ENY2: variants seen among roughly 807,000 people sequenced by gnomAD.
The protein encoded by ENY2 is transcription and mRNA export factor ENY2.
A neutral mutation model predicts 15.9 loss-of-function variants in ENY2; 4 were observed. That is an observed-to-expected ratio of 0.25 (90% CI 0.12 to 0.57). ENY2 has a LOEUF of 0.57. Among genes scored for constraint, ENY2 ranks in the 20% least tolerant of loss-of-function variants. ENY2 has a pLI of 0.91. For synonymous variants in ENY2, 48 were observed against 38.0 expected (o/e 1.26, Z -0.97); for missense variants, 54 against 117.2 (o/e 0.46, Z 2.49).
chr8:109,340,730 A>G (rs1164216693), intron 4 of ENY2, 167 bp downstream of exon 4: 1 of 707,480 alleles, frequency 1.4e-6, no homozygotes, highest in Non-Finnish European at 2.3e-6. Context: ...TCTGGGAGTA[A>G]CAAATGAGAT....
At chr8:109,335,694 TC>T (rs1183589767) in intron 1 of ENY2, 1 of 152,788 alleles carries the variant, frequency 6.5e-6, no homozygotes, top group African/African-American at 2.4e-5. Context: ...TAGTATTTAA[TC>T]TTTTTTTGAT....
At position 109,334,403 on chromosome 8, in the gene ENY2, G is replaced by C; in HGVS notation, c.-66G>C. On this transcript the variant is annotated 5_prime_UTR_variant, in exon 1 of 5. Coordinates refer to ENST00000521688, the MANE Select transcript of ENY2 (RefSeq NM_020189.6). ...TAAGTCCGGGCAGCCGAAGAGTGTG[G>C]TAGGTAACGGTCCTCAGCGCAAGGG... 6.2e-7 allele frequency: 1 copy of C among 1,611,980 alleles called. No homozygotes were observed. Among genetic ancestry groups the C allele is most frequent in the Non-Finnish European group, 8.5e-7 (1 of 1,178,862 alleles).
intron 2 of ENY2, 34 bp downstream of exon 2, chr8:109,336,238 C>T (rs768738607): frequency 1.3e-6 from 2 of 1,538,880 alleles, no homozygotes; most frequent in South Asian, 1.1e-5. Context: ...AATTACATTT[C>T]ACCGCCTTTA....
At chr8:109,337,280 G>C (rs1816006113) in intron 2 of ENY2, among the ~76,000 whole-genome samples, 1 of 151,896 alleles carries the variant, frequency 6.6e-6, no homozygotes, top group East Asian at 1.9e-4. Flanking sequence ...CTCAAAATGA[G>C]GAAGGAGGCA....
At chr8:109,342,839 A>C (rs926457192) in intron 4 of ENY2, 2 of 558,112 alleles carry the variant, frequency 3.6e-6, no homozygotes, top group Admixed American at 3.1e-5. Flanking sequence ...ATTTTTGCCT[A>C]TGATTGGTAA....
In ENY2 at chr8:109,334,781, A is replaced by G. The variant is rs868196498; in HGVS notation, c.6+307A>G. ...CCTTTAAGAATTAAGTGACTTGTCC[A>G]AGGTCACTATCCGTATTTTAGGAGC... On this transcript the variant is annotated intron_variant, in intron 1 of 4. Transcript: ENST00000521688. 1.3e-5 allele frequency: 6 copies of G among 471,388 alleles called. No homozygotes were observed. The Admixed American group carries it at 1.6e-4, about 12-fold the overall frequency. The allele number at this position is 471,388 out of a possible 1,614,324, so 29.2% of individuals were successfully genotyped here.
rs904464946 is a variant in ENY2, at chr8:109,339,902, G to T, written c.154+512G>T. ...TCAGCTTTTGATATAATGGAACTCT[G>T]GATATTTTTAATGAATCCCCATTGT... On this transcript the variant is annotated intron_variant, in intron 3 of 4. Coordinates refer to ENST00000521688, the MANE Select transcript of ENY2 (RefSeq NM_020189.6). Among the ~76,000 whole-genome samples the T allele has an allele frequency of 4.6e-5, 7 of 151,988 alleles. No homozygotes were observed. The East Asian group carries it at 1.3e-3, about 29-fold the overall frequency.
intron 4 of ENY2, among the ~76,000 whole-genome samples, chr8:109,342,515 T>C (rs1586330593): frequency 3.9e-5 from 1 of 25,442 alleles, no homozygotes. Flanking sequence ...ATATATACCC[T>C]TTTTTTTTTT....
chr8:109,334,547 G>T, intron 1 of ENY2, 73 bp downstream of exon 1: 3 of 1,535,244 alleles, frequency 2.0e-6, no homozygotes, highest in Non-Finnish European at 1.8e-6. Context: ...ACTGTCTTTC[G>T]TTAGCGTCCC....
chr8:109,338,009 G>C (rs1816028298), intron 2 of ENY2, among the ~76,000 whole-genome samples: 1 of 152,196 alleles, frequency 6.6e-6, no homozygotes, highest in African/African-American at 2.4e-5. Flanking sequence ...GGGAGACTGA[G>C]TAAATTGGGT....
chr8:109,340,715 C>A, intron 4 of ENY2, 152 bp downstream of exon 4: 1 of 856,736 alleles, frequency 1.2e-6, no homozygotes, highest in Non-Finnish European at 1.8e-6. Flanking sequence ...TGCCTCCTAG[C>A]ATAGTCTGGG....
At chr8:109,336,017 A>G in intron 1 of ENY2, 111 bp from the exon 2 acceptor site, 1 of 897,440 alleles carries the variant, frequency 1.1e-6, no homozygotes, top group Non-Finnish European at 1.8e-6. Context: ...CTTGAAATGT[A>G]TCACCCCTTC....
chr8:109,341,721 T>TTG (rs1314169891), intron 4 of ENY2, among the ~76,000 whole-genome samples: 2 of 152,198 alleles, frequency 1.3e-5, no homozygotes, highest in Admixed American at 6.5e-5. Flanking sequence ...CTTCTTACTG[T>TTG]TGTTAAGAGA....
intron 4 of ENY2, 28 bp downstream of exon 4, chr8:109,340,591 A>C (rs746685211): frequency 6.2e-7 from 1 of 1,610,488 alleles, no homozygotes; most frequent in Non-Finnish European, 8.5e-7. Context: ...TGTTAAAGGA[A>C]ACATGCTGCA....
chr8:109,334,361 C>T lies in ENY2; in HGVS notation c.-108C>T. The T allele has an allele frequency of 2.0e-6, 3 of 1,530,176 alleles. No homozygotes were observed. The highest frequency in any genetic ancestry group is 2.7e-6 in the Non-Finnish European group (3 of 1,113,604). The allele number at this position is 1,530,176 out of a possible 1,614,324, so 94.8% of individuals were successfully genotyped here. A position where few individuals can be genotyped will look rare whatever the true frequency, so the allele number is the denominator to read the frequency against. ...TCTAGCTTTCTGTGTGCTTAGGTGC[C>T]CGAGCTACTGAGGGTCTAAGTCCGG... On this transcript the variant is annotated 5_prime_UTR_variant, in exon 1 of 5. Coordinates refer to ENST00000521688, the MANE Select transcript of ENY2 (RefSeq NM_020189.6).
rs879926554 is a variant in ENY2 at position 109,344,483 on chromosome 8, C to T, written c.*1002C>T. 2 of 152,274 alleles carry T rather than the reference C, an allele frequency of 1.3e-5. No homozygotes were observed. The highest frequency in any genetic ancestry group is 2.9e-5 in the Non-Finnish European group (2 of 68,066). The allele number at this position is 152,274 out of a possible 1,614,324, so 9.4% of individuals were successfully genotyped here. A position where few individuals can be genotyped will look rare whatever the true frequency, so the allele number is the denominator to read the frequency against. ...CCAAACCAGACTTCATCCTAGCCTC[C>T]ACACCCAGACACCCAACTGCTATGG... On this transcript the variant is annotated 3_prime_UTR_variant, in exon 5 of 5. Transcript: ENST00000521688.
chr8:109,336,241 C>A, intron 2 of ENY2, 37 bp downstream of exon 2: 1 of 1,509,370 alleles, frequency 6.6e-7, no homozygotes, highest in South Asian at 1.2e-5. Flanking sequence ...TACATTTCAC[C>A]GCCTTTAATA....
chr8:109,342,982 T>C (rs1247210414), intron 4 of ENY2, among the ~76,000 whole-genome samples: 1 of 152,240 alleles, frequency 6.6e-6, no homozygotes, highest in East Asian at 1.9e-4. Flanking sequence ...TCCTTATCAG[T>C]GTGAAACAAC....
intron 4 of ENY2, chr8:109,340,768 G>C (rs1055461394): frequency 1.8e-6 from 1 of 559,142 alleles, no homozygotes; most frequent in African/African-American, 1.9e-5. Flanking sequence ...TTGTACTCTA[G>C]AACAGTGCAC....
Sources: gnomAD v4.1 joint callset for allele counts (sites outside exome capture counted in the v4.1 genomes callset) on GRCh38, gnomAD v4.1.1 for gene constraint, MANE v1.5 for transcripts, NCBI Gene and HGNC (gene_info 2026-07-23, HGNC 2026-07-21) for gene names.